The following STARD9 variants were observed in gnomAD, a reference collection of about 807,000 sequenced individuals.
STARD9 encodes stAR-related lipid transfer protein 9.
A neutral mutation model predicts 399.8 loss-of-function variants in STARD9; 346 were observed. That is an observed-to-expected ratio of 0.87 (90% CI 0.79 to 0.95). STARD9 has a LOEUF of 0.95. Ranked by LOEUF, STARD9 falls within the 40% of genes least tolerant of loss-of-function variation. The probability of loss-of-function intolerance (pLI) is 0.00; values close to 1 mark genes in which losing one functional copy is unlikely to be tolerated. For synonymous variants in STARD9, 2,203 were observed against 2,143.5 expected (o/e 1.03, Z -0.77); for missense variants, 5,832 against 5,667.5 (o/e 1.03, Z -0.93).
intron 7 of STARD9, among the ~76,000 whole-genome samples, chr15:42,642,423 C>G (rs985512194): frequency 6.6e-6 from 1 of 152,196 alleles, no homozygotes; most frequent in African/African-American, 2.4e-5. Flanking sequence ...GTTATAGGAT[C>G]TAAACTGATA....
At chr15:42,612,534 C>G in intron 3 of STARD9, among the ~76,000 whole-genome samples, 1 of 152,152 alleles carries the variant, frequency 6.6e-6, no homozygotes, top group East Asian at 1.9e-4. Context: ...TCACAGGATT[C>G]TAATGAATCC....
Position 42,638,822 on chromosome 15 carries a change from T to C in STARD9, c.559+10T>C. 7.4e-6 allele frequency: 11 copies of C among 1,491,898 alleles called. No individual in the cohort carries two copies. Among genetic ancestry groups the C allele is most frequent in the Non-Finnish European group, 9.9e-6 (11 of 1,112,838 alleles). The allele number at this position is 1,491,898 out of a possible 1,614,324, so 92.4% of individuals were successfully genotyped here. A position where few individuals can be genotyped will look rare whatever the true frequency, so the allele number is the denominator to read the frequency against. On this transcript the variant is annotated intron_variant, in intron 7 of 32. Transcript: ENST00000290607. ...GGGCCCTATGTACAAGGTGAGCTAC[T>C]GTGGTCCTGGAGATCTGAAACCAAA...
chr15:42,693,043 AG>A lies in STARD9; in HGVS notation c.11466del (p.Ala3824ProfsTer10). On this transcript the variant is annotated frameshift_variant, in exon 23 of 33. Transcript: ENST00000290607. LOFTEE classifies it high-confidence loss of function. ...PSIPSSHLRFQKAPVGQHLPS... is the reference protein window; with the variant it reads ...PSIPSSHLRFXKAPVGQHLPS... ...ATACCCTCATCCCACTTGAGGTTTC[AG>A]AAAGCCCCCGTTGGGCAGCATCTTC... The A allele has an allele frequency of 6.5e-7, 1 of 1,537,152 alleles. No homozygotes were observed. Among genetic ancestry groups the A allele is most frequent in the Non-Finnish European group, 8.7e-7 (1 of 1,146,890 alleles).
In STARD9 at chr15:42,687,932, A is replaced by G; in HGVS notation, c.6354A>G (p.Arg2118=). Residue 2118 remains arginine, a synonymous_variant, in exon 23 of 33, where the codon AGA becomes AGG. Coordinates refer to ENST00000290607, the MANE Select transcript of STARD9 (RefSeq NM_020759.3). ...LPSKDQPSSP[R]QTDDTVFRDS... ...CTAAGGATCAGCCATCTTCTCCAAG[A>G]CAGACAGATGATACTGTCTTTAGGG... 1 of 1,537,362 alleles carries G rather than the reference A, an allele frequency of 6.5e-7. No individual in the cohort carries two copies. Among genetic ancestry groups the G allele is most frequent in the Non-Finnish European group, 8.7e-7 (1 of 1,146,958 alleles).
rs910402479 is a variant in STARD9 at position 42,652,640 on chromosome 15, T to C, written c.702+48T>C. 4 of 1,427,558 alleles carry C rather than the reference T, an allele frequency of 2.8e-6. No homozygotes were observed. The African/African-American group carries it at 4.2e-5, about 15-fold the overall frequency. The allele number at this position is 1,427,558 out of a possible 1,614,324, so 88.4% of individuals were successfully genotyped here. A position where few individuals can be genotyped will look rare whatever the true frequency, so the allele number is the denominator to read the frequency against. ...TGAGATTTCTTCCTCTCCTTGTACCTTTAAACCACTTTCTTGTCTTCCTTC... is the reference window on the plus strand; with the variant it reads ...TGAGATTTCTTCCTCTCCTTGTACCCTTAAACCACTTTCTTGTCTTCCTTC... On this transcript the variant is annotated intron_variant, in intron 9 of 32. Transcript: ENST00000290607.
intron 3 of STARD9, among the ~76,000 whole-genome samples, chr15:42,589,986 G>T (rs1253915563): frequency 1.4e-5 from 2 of 142,992 alleles, no homozygotes; most frequent in Non-Finnish European, 3.0e-5. Context: ...GTTGAGACCG[G>T]GTCTCGCTCT....
At position 42,682,265 on chromosome 15, in the gene STARD9, A is replaced by G; in HGVS notation, c.2227A>G (p.Lys743Glu). 1 of 1,537,222 alleles carries G rather than the reference A, an allele frequency of 6.5e-7. No individual in the cohort carries two copies. Among genetic ancestry groups the G allele is most frequent in the Non-Finnish European group, 8.7e-7 (1 of 1,146,886 alleles). ...GCCATCCCCATTTGTCCAAAGTCAG[A>G]AAAGGGTGGTGCACCTGCAGCTCCT... ...IQPSPFVQSQ[K>E]RVVHLQLLRR... The change falls in exon 22 of 33, where the codon AAA becomes GAA. Residue 743 changes from lysine to glutamate, a missense_variant. Lys to Glu is a moderately conservative substitution (Grantham distance 56). This residue lies in a region of STARD9 where 5,828 missense variants were observed against 5,651.1 expected (regional missense o/e 1.03). Coordinates refer to ENST00000290607, the MANE Select transcript of STARD9 (RefSeq NM_020759.3).
At chr15:42,699,100 CAT>C (rs2060905151) in intron 26 of STARD9, among the ~76,000 whole-genome samples, 1 of 152,162 alleles carries the variant, frequency 6.6e-6, no homozygotes, top group Admixed American at 6.6e-5. Context: ...TTTCAATCCA[CAT>C]ATGCATTGCA....
In STARD9 at chr15:42,691,465, A is replaced by T. The variant is rs1187793561; in HGVS notation, c.9887A>T (p.Glu3296Val). The T allele has an allele frequency of 2.5e-5, 39 of 1,537,094 alleles. No individual in the cohort carries two copies. Among genetic ancestry groups the T allele is most frequent in the Non-Finnish European group, 2.6e-6 (3 of 1,146,896 alleles). Residue 3296 changes from glutamate to valine, a missense_variant, in exon 23 of 33, where the codon GAG becomes GTG. This residue lies in a region of STARD9 where 5,828 missense variants were observed against 5,651.1 expected (regional missense o/e 1.03). Coordinates refer to ENST00000290607, the MANE Select transcript of STARD9 (RefSeq NM_020759.3). ...AGTGGCCACCTCTACACTGGCAGAG[A>T]GCAGCCAGCACCCAACCACAGGGGC... ...QRSGHLYTGR[E>V]QPAPNHRGSL...
chr15:42,641,403 A>C (rs1193214717), intron 7 of STARD9, among the ~76,000 whole-genome samples: 1 of 152,012 alleles, frequency 6.6e-6, no homozygotes, highest in Non-Finnish European at 1.5e-5. Context: ...ACTAGGGTAC[A>C]TGTGCACAAT....
intron 31 of STARD9, 92 bp from the exon 32 acceptor site, chr15:42,718,660 A>G (rs2061395663): frequency 6.8e-7 from 1 of 1,463,548 alleles, no homozygotes; most frequent in East Asian, 2.5e-5. Flanking sequence ...AGGCTGGCCC[A>G]GTGTTGCCTT....
chr15:42,718,532 A>C lies in STARD9; in HGVS notation c.13842+18A>C, dbSNP rs1268921772. On this transcript the variant is annotated intron_variant, in intron 31 of 32. Coordinates refer to ENST00000290607, the MANE Select transcript of STARD9 (RefSeq NM_020759.3). ...CCAAAGAGGTGCCTGCCTTGGTGGT[A>C]AAGATGTTGTGGGAAGAACTTGGGC... The C allele has an allele frequency of 6.5e-7, 1 of 1,535,394 alleles. No homozygotes were observed. Among genetic ancestry groups the C allele is most frequent in the African/African-American group, 1.4e-5 (1 of 73,018 alleles).
At chr15:42,649,103 C>T (rs1308506179) in intron 7 of STARD9, among the ~76,000 whole-genome samples, 1 of 152,044 alleles carries the variant, frequency 6.6e-6, no homozygotes, top group Admixed American at 6.6e-5. Flanking sequence ...AATCTCAGCT[C>T]ACTGCAACCT....
chr15:42,608,895 G>A (rs539165922), intron 3 of STARD9, among the ~76,000 whole-genome samples: 8 of 152,342 alleles, frequency 5.3e-5, no homozygotes, highest in African/African-American at 1.9e-4. Context: ...TGACTATTCT[G>A]GATTCAGTCC....
intron 8 of STARD9, 32 bp from the exon 9 acceptor site, chr15:42,652,488 C>T (rs2059782683): frequency 6.6e-7 from 1 of 1,522,662 alleles, no homozygotes. Context: ...GTAAACAATC[C>T]TCGTCCTAAC....
At chr15:42,616,706 A>G (rs1429123599) in intron 3 of STARD9, among the ~76,000 whole-genome samples, 2 of 152,154 alleles carry the variant, frequency 1.3e-5, no homozygotes, top group Middle Eastern at 3.4e-3. Flanking sequence ...CCTGGCTAAC[A>G]CGGTGAAACC....
At chr15:42,669,700 C>A in intron 16 of STARD9, 1 of 173,344 alleles carries the variant, frequency 5.8e-6, no homozygotes, top group Non-Finnish European at 1.3e-5. Context: ...GAGAGTGAAA[C>A]CCTAACCTCA....
chr15:42,681,446 C>T lies in STARD9; in HGVS notation c.1899C>T (p.Asp633=), dbSNP rs759295995. ...KERRALEEQC[D]EDHQTPRDGE... ...GGAGAGCGCTTGAAGAGCAATGTGA[C>T]GAGGACCATCAGACACCGAGGGATG... Residue 633 remains aspartate, a synonymous_variant, in exon 21 of 33, where the codon GAC becomes GAT. Coordinates refer to ENST00000290607, the MANE Select transcript of STARD9 (RefSeq NM_020759.3). 91 of 1,536,576 alleles carry T rather than the reference C, an allele frequency of 5.9e-5. 1 individual carries two copies. The highest frequency in any genetic ancestry group is 3.2e-4 in the South Asian group (27 of 83,956).
intron 26 of STARD9, among the ~76,000 whole-genome samples, chr15:42,712,128 T>TATATAA (rs36169000): frequency 0.022 from 274 of 12,296 alleles, 76 homozygotes; most frequent in African/African-American, 0.08. Context: ...AATATATATA[T>TATATAA]AAATGTGCCT....
Sources: gnomAD v4.1 joint callset for allele counts (sites outside exome capture counted in the v4.1 genomes callset) on GRCh38, gnomAD v4.1.1 for gene constraint, gnomAD v4.1.1 regional missense constraint, MANE v1.5 for transcripts, NCBI Gene and HGNC (gene_info 2026-07-23, HGNC 2026-07-21) for gene names.